PPP1CB: variants seen among roughly 807,000 people sequenced by gnomAD.
PPP1CB encodes serine/threonine-protein phosphatase PP1-beta catalytic subunit.
PPP1CB carries 2 observed loss-of-function variants against 43.7 expected under a neutral mutation model. The ratio of observed to expected loss-of-function variants is 0.05; its 90% confidence interval spans 0.02 to 0.14. The LOEUF (loss-of-function observed/expected upper bound fraction) is 0.14, where lower values mean the gene tolerates loss of function less well. Among genes scored for constraint, PPP1CB ranks in the 10% least tolerant of loss-of-function variants. The pLI, the probability that PPP1CB is intolerant of heterozygous loss-of-function variation, is 1.00. For synonymous variants in PPP1CB, 136 were observed against 135.6 expected (o/e 1.00, Z -0.02); for missense variants, 84 against 398.0 (o/e 0.21, Z 6.71).
At position 28,802,110 on chromosome 2, in the gene PPP1CB, T is replaced by C. The variant is rs1667631329; in HGVS notation, c.*2807T>C. On this transcript the variant is annotated 3_prime_UTR_variant, in exon 8 of 8. Coordinates refer to ENST00000395366, the MANE Select transcript of PPP1CB (RefSeq NM_002709.3). ...TTAAAGCTTAAAATAGGTGGTAAAT[T>C]TGAAGTATGAGTGTGTTCACGAGAA... 6.6e-6 allele frequency: 1 copy of C among 152,116 alleles called. No individual in the cohort carries two copies. Among genetic ancestry groups the C allele is most frequent in the Non-Finnish European group, 1.5e-5 (1 of 68,026 alleles). The allele number at this position is 152,116 out of a possible 1,614,324, so 9.4% of individuals were successfully genotyped here.
intron 1 of PPP1CB, among the ~76,000 whole-genome samples, chr2:28,753,350 T>C (rs1469332269): frequency 6.6e-6 from 1 of 152,220 alleles, no homozygotes; most frequent in Non-Finnish European, 1.5e-5. Context: ...GGAGGGGTAA[T>C]TCCTTTTTCT....
At chr2:28,796,989 A>G (rs1301112866) in intron 7 of PPP1CB, among the ~76,000 whole-genome samples, 1 of 152,088 alleles carries the variant, frequency 6.6e-6, no homozygotes, top group Admixed American at 6.6e-5. Context: ...TTTAACATGA[A>G]AGGGTGTTGA....
rs1178345842 is a variant in PPP1CB, at chr2:28,766,686, C to T, written c.53-10165C>T. Among the ~76,000 whole-genome samples the T allele has an allele frequency of 3.9e-5, 6 of 152,216 alleles. No individual in the cohort carries two copies. The South Asian group carries it at 6.2e-4, about 16-fold the overall frequency. On this transcript the variant is annotated intron_variant, in intron 1 of 7. Coordinates refer to ENST00000395366, the MANE Select transcript of PPP1CB (RefSeq NM_002709.3). ...TGTCATCGAGAGCCAAGGAACACCA[C>T]TCAGAACCATTTGGCTTGTTTTTTA...
At chr2:28,796,172 A>G (rs529995114) in intron 7 of PPP1CB, among the ~76,000 whole-genome samples, 242 of 128,098 alleles carry the variant, frequency 1.9e-3, no homozygotes, top group African/African-American at 7.0e-3. Context: ...TACCAGTACC[A>G]TGCTGTTTTG....
chr2:28,766,342 T>A (rs1416686200), intron 1 of PPP1CB, among the ~76,000 whole-genome samples: 2 of 152,214 alleles, frequency 1.3e-5, no homozygotes, highest in African/African-American at 4.8e-5. Context: ...TTAGAGCAAA[T>A]GAAGTTGACC....
chr2:28,753,349 A>G (rs551400264), intron 1 of PPP1CB, among the ~76,000 whole-genome samples: 1 of 152,314 alleles, frequency 6.6e-6, no homozygotes, highest in African/African-American at 2.4e-5. Context: ...GGGAGGGGTA[A>G]TTCCTTTTTC....
chr2:28,788,916 G>A, intron 6 of PPP1CB, 107 bp downstream of exon 6: 1 of 1,168,782 alleles, frequency 8.6e-7, no homozygotes, highest in East Asian at 2.6e-5. Flanking sequence ...GGAGTGCAAT[G>A]GCGCAATCTC....
intron 3 of PPP1CB, among the ~76,000 whole-genome samples, chr2:28,779,834 A>C (rs540945731): frequency 6.6e-6 from 1 of 152,158 alleles, no homozygotes; most frequent in East Asian, 1.9e-4. Flanking sequence ...AGGGTATGTT[A>C]TATGTGCAGG....
chr2:28,768,553 G>A (rs1035694159), intron 1 of PPP1CB, among the ~76,000 whole-genome samples: 1 of 152,148 alleles, frequency 6.6e-6, no homozygotes, highest in African/African-American at 2.4e-5. Context: ...CCAAGTTAGA[G>A]GGGCCTTATT....
Position 28,779,001 on chromosome 2 carries a change from G to C in PPP1CB, c.377G>C (p.Cys126Ser). 6.2e-7 allele frequency: 1 copy of C among 1,605,672 alleles called. No individual in the cohort carries two copies. Among genetic ancestry groups the C allele is most frequent in the Non-Finnish European group, 8.5e-7 (1 of 1,172,814 alleles). ...TTTCTCTTAAGAGGAAACCATGAGT[G>C]TGCTAGCATCAATCGCATTTATGGA... is the stretch of plus-strand genomic sequence containing the variant. ...NFFLLRGNHE[C>S]ASINRIYGFY... is the part of the protein sequence containing the mutation. Residue 126 changes from cysteine to serine, a missense_variant, in exon 3 of 8, where the codon TGT becomes TCT. Around this residue, in one of 5 missense-constraint regions of PPP1CB, gnomAD observed 28 missense variants for 234.2 expected, o/e 0.12. Coordinates refer to ENST00000395366, the MANE Select transcript of PPP1CB (RefSeq NM_002709.3).
chr2:28,766,520 G>A (rs1488630398), intron 1 of PPP1CB, among the ~76,000 whole-genome samples: 1 of 152,198 alleles, frequency 6.6e-6, no homozygotes, highest in African/African-American at 2.4e-5. Context: ...TTACACTTCA[G>A]GTTGTACTAA....
intron 6 of PPP1CB, 95 bp from the exon 7 acceptor site, chr2:28,793,764 AGGTG>A: frequency 5.3e-6 from 7 of 1,317,158 alleles, no homozygotes; most frequent in Non-Finnish European, 6.3e-6. Flanking sequence ...TTTGGGGGTG[AGGTG>A]GGGCACAGTC....
intron 5 of PPP1CB, among the ~76,000 whole-genome samples, chr2:28,787,710 C>T (rs144115861): frequency 3.9e-5 from 6 of 152,150 alleles, no homozygotes; most frequent in East Asian, 1.9e-4. Flanking sequence ...TTTCGGGATA[C>T]GTTTACTATA....
intron 5 of PPP1CB, among the ~76,000 whole-genome samples, chr2:28,787,779 A>G (rs1667303381): frequency 1.3e-5 from 2 of 152,034 alleles, no homozygotes; most frequent in Admixed American, 6.6e-5. Flanking sequence ...TCCCTCATCT[A>G]CCTGCCTATT....
chr2:28,760,559 A>G (rs1666618159), intron 1 of PPP1CB, among the ~76,000 whole-genome samples: 1 of 152,176 alleles, frequency 6.6e-6, no homozygotes, highest in South Asian at 2.1e-4. Context: ...CAACAAAATC[A>G]CCTCACTGTG....
chr2:28,781,512 A>G (rs961532420), intron 3 of PPP1CB, among the ~76,000 whole-genome samples: 3 of 152,062 alleles, frequency 2.0e-5, no homozygotes, highest in African/African-American at 7.2e-5. Flanking sequence ...CCCCAGCACA[A>G]TCTTTGAAGT....
At chr2:28,794,050 T>C (rs1425758711) in intron 7 of PPP1CB, 53 bp downstream of exon 7, 3 of 1,455,762 alleles carry the variant, frequency 2.1e-6, no homozygotes, top group Admixed American at 2.0e-5. Flanking sequence ...AAAACTATTA[T>C]CAGAATTCGT....
intron 1 of PPP1CB, among the ~76,000 whole-genome samples, chr2:28,760,974 C>T (rs1000219865): frequency 6.6e-5 from 10 of 152,280 alleles, no homozygotes; most frequent in African/African-American, 2.4e-4. Flanking sequence ...AGTCTCGGCT[C>T]ACTGCAGCCT....
At chr2:28,769,663 A>G (rs1181913248) in intron 1 of PPP1CB, among the ~76,000 whole-genome samples, 1 of 152,208 alleles carries the variant, frequency 6.6e-6, no homozygotes, top group African/African-American at 2.4e-5. Flanking sequence ...CTGACTGTTT[A>G]AAATAATAGT....
Sources: gnomAD v4.1 joint callset for allele counts (sites outside exome capture counted in the v4.1 genomes callset) on GRCh38, gnomAD v4.1.1 for gene constraint, gnomAD v4.1.1 regional missense constraint, MANE v1.5 for transcripts, NCBI Gene and HGNC (gene_info 2026-07-23, HGNC 2026-07-21) for gene names.